ANKRD11: variants seen among roughly 807,000 people sequenced by gnomAD.
ANKRD11 encodes the protein ankyrin repeat domain-containing protein 11.
In ANKRD11, 17 loss-of-function variants were observed where a neutral mutation model predicts 195.7. The observed-to-expected ratio is 0.09, with a 90% CI of 0.06 to 0.13. The LOEUF is 0.13. ANKRD11 is among the 10% of genes least tolerant of loss of function. The pLI, the probability that ANKRD11 is intolerant of heterozygous loss-of-function variation, is 1.00. For missense variants in ANKRD11, 3,735 were observed against 3,566.1 expected (o/e 1.05, Z -1.21); for synonymous variants, 1,953 against 1,528.1 (o/e 1.28, Z -6.49).
intron 2 of ANKRD11, among the ~76,000 whole-genome samples, chr16:89,404,008 G>C (rs1057404369): frequency 1.1e-4 from 16 of 152,198 alleles, no homozygotes; most frequent in African/African-American, 3.9e-4. Flanking sequence ...GTGAAAGAAT[G>C]CAAGAGACTC....
intron 6 of ANKRD11, among the ~76,000 whole-genome samples, chr16:89,289,255 C>T (rs928231042): frequency 2.6e-5 from 4 of 151,986 alleles, no homozygotes; most frequent in African/African-American, 9.7e-5. Flanking sequence ...CACGGCACTG[C>T]TCTAGAGAAG....
At chr16:89,271,295 T>C in intron 11 of ANKRD11, 1 of 326,614 alleles carries the variant, frequency 3.1e-6, no homozygotes, top group South Asian at 2.5e-5. Context: ...TGGAGTGCAA[T>C]GGCGCGATCC....
intron 2 of ANKRD11, among the ~76,000 whole-genome samples, chr16:89,332,306 C>T (rs1044318681): frequency 2.6e-5 from 4 of 152,178 alleles, no homozygotes; most frequent in Admixed American, 2.0e-4. Context: ...ACCTGGTGAA[C>T]GCTCTTCAGC....
chr16:89,463,713 G>C (rs568010167), intron 1 of ANKRD11, among the ~76,000 whole-genome samples: 2 of 150,462 alleles, frequency 1.3e-5, no homozygotes, highest in Admixed American at 1.3e-4. Context: ...CACTGGATAA[G>C]TGTTTTTCAA....
chr16:89,401,345 G>A (rs1385976319), intron 2 of ANKRD11, among the ~76,000 whole-genome samples: 1 of 152,054 alleles, frequency 6.6e-6, no homozygotes, highest in African/African-American at 2.4e-5. Context: ...CCAAAGTGCT[G>A]GGATTACAGC....
At chr16:89,393,589 G>A (rs948151741) in intron 2 of ANKRD11, among the ~76,000 whole-genome samples, 13 of 149,048 alleles carry the variant, frequency 8.7e-5, no homozygotes, top group South Asian at 6.5e-4. Flanking sequence ...TGATTTGCCC[G>A]CCTCAGCCTC....
intron 2 of ANKRD11, among the ~76,000 whole-genome samples, chr16:89,336,795 G>A (rs2038377941): frequency 6.6e-6 from 1 of 152,124 alleles, no homozygotes; most frequent in African/African-American, 2.4e-5. Context: ...CAATACAAGT[G>A]TAACATTTTA....
chr16:89,305,790 G>A (rs1421977888), intron 3 of ANKRD11, among the ~76,000 whole-genome samples: 1 of 131,016 alleles, frequency 7.6e-6, no homozygotes, highest in East Asian at 2.3e-4. Context: ...CCGCAGACAC[G>A]CGCCACCTCC....
chr16:89,324,278 G>C (rs140280967), intron 2 of ANKRD11: 1 of 1,248,054 alleles, frequency 8.0e-7, no homozygotes, highest in African/African-American at 1.5e-5. Flanking sequence ...CAGGAGCCCC[G>C]TGCTCCGGAA....
intron 11 of ANKRD11, chr16:89,272,261 G>A (rs2033225392): frequency 6.6e-6 from 1 of 152,238 alleles, no homozygotes; most frequent in Admixed American, 6.5e-5. Context: ...TCGCGAGGAT[G>A]TGGGGAAAAG....
chr16:89,470,201 T>C (rs561532491), intron 1 of ANKRD11, among the ~76,000 whole-genome samples: 91 of 152,096 alleles, frequency 6.0e-4, no homozygotes, highest in Non-Finnish European at 1.0e-3. Flanking sequence ...TCACCATGCC[T>C]ATAATGTCAC....
intron 2 of ANKRD11, among the ~76,000 whole-genome samples, chr16:89,402,440 G>A (rs1265945709): frequency 5.9e-5 from 9 of 152,088 alleles, no homozygotes; most frequent in Admixed American, 2.0e-4. Context: ...AACACATGAG[G>A]AAGCCGAGGC....
chr16:89,489,581 G>A (rs1438468404), intron 1 of ANKRD11, among the ~76,000 whole-genome samples: 1 of 151,750 alleles, frequency 6.6e-6, no homozygotes, highest in Non-Finnish European at 1.5e-5. Context: ...GATAATAATA[G>A]GGACGCTGAG....
At chr16:89,349,354 C>A (rs1009380886) in intron 2 of ANKRD11, among the ~76,000 whole-genome samples, 1 of 151,732 alleles carries the variant, frequency 6.6e-6, no homozygotes, top group African/African-American at 2.4e-5. Flanking sequence ...GTGGCGGGCG[C>A]CTGTAGTCCC....
chr16:89,274,989 A>G (rs757773624), intron 10 of ANKRD11, 32 bp from the exon 11 acceptor site: 1 of 1,612,600 alleles, frequency 6.2e-7, no homozygotes, highest in Non-Finnish European at 8.5e-7. Flanking sequence ...GTGAGCTGGG[A>G]CACAGCCACG....
intron 3 of ANKRD11, among the ~76,000 whole-genome samples, chr16:89,308,166 C>T (rs1347705425): frequency 2.6e-5 from 4 of 152,196 alleles, no homozygotes; most frequent in Non-Finnish European, 2.9e-5. Flanking sequence ...ACCAACATAC[C>T]TTATGAACAT....
At position 89,282,610 on chromosome 16, in the gene ANKRD11, C is replaced by T. The variant is rs534628110; in HGVS notation, c.3932G>A (p.Arg1311Gln). Residue 1311 changes from arginine to glutamine, a missense_variant, in exon 9 of 13, where the codon CGA becomes CAA. Coordinates refer to ENST00000301030, the MANE Select transcript of ANKRD11 (RefSeq NM_013275.6). ...SEVSSDSFTDRGQEPGLTAFL... is the reference protein window; with the variant it reads ...SEVSSDSFTDQGQEPGLTAFL... ...GGCAGTCAGCCCCGGCTCCTGCCCT[C>T]GGTCCGTGAAGCTGTCAGAGGAGAC... 2.9e-5 allele frequency: 47 copies of T among 1,614,182 alleles called. No individual in the cohort carries two copies. Among genetic ancestry groups the T allele is most frequent in the Non-Finnish European group, 3.6e-5 (43 of 1,180,044 alleles).
intron 1 of ANKRD11, among the ~76,000 whole-genome samples, chr16:89,457,402 G>A (rs1033469290): frequency 1.3e-5 from 2 of 151,358 alleles, no homozygotes; most frequent in Non-Finnish European, 2.9e-5. Flanking sequence ...TTCAAGACCA[G>A]CCCAGTCAAT....
At position 89,389,894 on chromosome 16, in the gene ANKRD11, G is replaced by A. The variant is rs181866835; in HGVS notation, c.-60+28390C>T. Among the ~76,000 whole-genome samples the A allele has an allele frequency of 2.1e-3, 269 of 129,162 alleles. 3 individuals are homozygous for A. The highest frequency in any genetic ancestry group is 8.1e-3 in the African/African-American group (261 of 32,338). The allele number at this position is 129,162 out of a possible 152,430, so 84.7% of individuals were successfully genotyped here. ...ACTGGGGCGAACACCGAGTGTGGCG[G>A]GGAGCACCGAGAGAGATCACTGGGG... On this transcript the variant is annotated intron_variant, in intron 2 of 12. Transcript: ENST00000301030.
Sources: gnomAD v4.1 joint callset for allele counts (sites outside exome capture counted in the v4.1 genomes callset) on GRCh38, gnomAD v4.1.1 for gene constraint, MANE v1.5 for transcripts, NCBI Gene and HGNC (gene_info 2026-07-23, HGNC 2026-07-21) for gene names.